Variants in SYNDIG1 observed in about 807,000 individuals in gnomAD.
SYNDIG1 encodes the protein synapse differentiation-inducing gene protein 1.
SYNDIG1 carries 9 observed loss-of-function variants against 19.4 expected under a neutral mutation model. The ratio of observed to expected loss-of-function variants is 0.46; its 90% CI spans 0.28 to 0.81. SYNDIG1 has a LOEUF of 0.81. SYNDIG1 is among the 30% of genes least tolerant of loss of function. The pLI is 0.12. For synonymous variants in SYNDIG1, 141 were observed against 145.9 expected, an observed-to-expected ratio of 0.97 and a Z score of 0.24; for missense variants, 311 against 343.3, an observed-to-expected ratio of 0.91 and a Z score of 0.74.
At chr20:24,648,188 C>T (rs1206050173) in intron 3 of SYNDIG1, among the ~76,000 whole-genome samples, 1 of 152,144 alleles carries the variant, frequency 6.6e-6, no homozygotes, top group South Asian at 2.1e-4. Flanking sequence ...TACATGCAGT[C>T]CATAGCAGTT....
intron 3 of SYNDIG1, among the ~76,000 whole-genome samples, chr20:24,615,894 C>T (rs1022645297): frequency 7.1e-6 from 1 of 141,132 alleles, no homozygotes; most frequent in Non-Finnish European, 1.5e-5. Flanking sequence ...TCATTTAGCA[C>T]ATCCACGAGC....
At chr20:24,523,498 C>A (rs1046965797) in intron 1 of SYNDIG1, among the ~76,000 whole-genome samples, 3 of 152,130 alleles carry the variant, frequency 2.0e-5, no homozygotes, top group Admixed American at 1.3e-4. Flanking sequence ...TGTCAAGATT[C>A]TGTAAATGTT....
intron 3 of SYNDIG1, among the ~76,000 whole-genome samples, chr20:24,627,268 C>G (rs2059164247): frequency 6.6e-6 from 1 of 152,164 alleles, no homozygotes; most frequent in African/African-American, 2.4e-5. Context: ...ATGAAATTGA[C>G]CAGTCCCTTG....
At chr20:24,577,625 G>C (rs1326723686) in intron 2 of SYNDIG1, among the ~76,000 whole-genome samples, 1 of 152,234 alleles carries the variant, frequency 6.6e-6, no homozygotes. Flanking sequence ...CAAGACCAGA[G>C]AACATGAGTG....
chr20:24,664,291 G>T (rs735186), intron 3 of SYNDIG1, among the ~76,000 whole-genome samples: 30,751 of 151,932 alleles, frequency 0.2, 3,959 homozygotes, highest in East Asian at 0.57. Flanking sequence ...TAGCTGGTGT[G>T]TTTGAGTGAA....
In SYNDIG1 at chr20:24,503,104, T is replaced by C. The variant is rs1292000508; in HGVS notation, c.-79+33351T>C. On this transcript the variant is annotated intron_variant, in intron 1 of 3. Transcript: ENST00000376862. ...TCTCAGAAGCTTTGTGGTCTTCAGC[T>C]GAGCTTGGGAAGCAGACTGTGCCCT... Among the ~76,000 whole-genome samples, 2 of 152,228 alleles carry C rather than the reference T, an allele frequency of 1.3e-5. 1 individual carries two copies. The highest frequency in any genetic ancestry group is 3.9e-4 in the East Asian group (2 of 5,194).
intron 2 of SYNDIG1, among the ~76,000 whole-genome samples, chr20:24,558,927 T>C (rs1432020388): frequency 6.6e-6 from 1 of 152,164 alleles, no homozygotes; most frequent in Non-Finnish European, 1.5e-5. Flanking sequence ...TTTTAAAAAT[T>C]ATAACAAGGA....
intron 1 of SYNDIG1, among the ~76,000 whole-genome samples, chr20:24,488,671 G>C (rs1017903430): frequency 1.3e-5 from 2 of 152,254 alleles, no homozygotes; most frequent in African/African-American, 4.8e-5. Context: ...CGTTTGTTCA[G>C]CCTTTGCCAA....
chr20:24,622,392 T>C (rs1402346614), intron 3 of SYNDIG1, among the ~76,000 whole-genome samples: 1 of 152,136 alleles, frequency 6.6e-6, no homozygotes, highest in Non-Finnish European at 1.5e-5. Flanking sequence ...TACAAAATAG[T>C]GTAACACAGG....
chr20:24,644,813 CACTGGGGTACTTAGCCACAG>C (rs2059408727), intron 3 of SYNDIG1, among the ~76,000 whole-genome samples: 1 of 152,162 alleles, frequency 6.6e-6, no homozygotes, highest in African/African-American at 2.4e-5. Flanking sequence ...TGTCTTAAGC[CACTGGGGTACTTAGCCACAG>C]AACAATAGAT....
chr20:24,584,722 C>A, intron 2 of SYNDIG1, 134 bp from the exon 3 acceptor site: 1 of 1,222,952 alleles, frequency 8.2e-7, no homozygotes, highest in Non-Finnish European at 1.2e-6. Flanking sequence ...ATGACTCGAA[C>A]AACGTCAGCA....
chr20:24,521,273 C>T (rs371764328), intron 1 of SYNDIG1, among the ~76,000 whole-genome samples: 1 of 152,152 alleles, frequency 6.6e-6, no homozygotes, highest in Admixed American at 6.5e-5. Context: ...TGATGCTATG[C>T]ACTTCAGTGT....
chr20:24,656,398 G>A (rs945103512), intron 3 of SYNDIG1, among the ~76,000 whole-genome samples: 1 of 152,196 alleles, frequency 6.6e-6, no homozygotes. Flanking sequence ...CATGATTTTA[G>A]GATCCTTCCT....
intron 1 of SYNDIG1, chr20:24,491,887 G>A (rs964478273): frequency 3.9e-5 from 6 of 152,224 alleles, no homozygotes; most frequent in African/African-American, 4.8e-5. Context: ...GAAGCTGATC[G>A]TTTCCTTCAA....
chr20:24,562,175 G>C (rs1428493485), intron 2 of SYNDIG1, among the ~76,000 whole-genome samples: 1 of 151,772 alleles, frequency 6.6e-6, no homozygotes, highest in Non-Finnish European at 1.5e-5. Flanking sequence ...TCACACAAAG[G>C]AATCAGTTTC....
intron 3 of SYNDIG1, among the ~76,000 whole-genome samples, chr20:24,592,393 A>G (rs2058527148): frequency 6.6e-6 from 1 of 152,160 alleles, no homozygotes; most frequent in African/African-American, 2.4e-5. Flanking sequence ...AATGTTTTCT[A>G]TCCATTTCCC....
At chr20:24,572,002 C>T (rs1019799556) in intron 2 of SYNDIG1, among the ~76,000 whole-genome samples, 7 of 152,220 alleles carry the variant, frequency 4.6e-5, no homozygotes, top group Non-Finnish European at 8.8e-5. Flanking sequence ...TCATTCATCA[C>T]TTGATTGCTT....
chr20:24,543,961 CAG>C (rs1012029960), intron 2 of SYNDIG1, among the ~76,000 whole-genome samples: 14 of 152,168 alleles, frequency 9.2e-5, no homozygotes, highest in African/African-American at 3.1e-4. Context: ...ATATACTTGA[CAG>C]GGGACACTTT....
intron 1 of SYNDIG1, among the ~76,000 whole-genome samples, chr20:24,513,272 G>A (rs1034242080): frequency 1.3e-5 from 2 of 152,234 alleles, no homozygotes; most frequent in African/African-American, 2.4e-5. Context: ...AAAGCTGGAT[G>A]GAGAATGACT....
Sources: allele counts gnomAD v4.1 joint callset (sites outside exome capture counted in the v4.1 genomes callset), GRCh38; gene constraint gnomAD v4.1.1; transcripts MANE v1.5; gene names NCBI Gene and HGNC (gene_info 2026-07-23, HGNC 2026-07-21).